The following ABCA3 variants were observed in gnomAD, a reference collection of about 807,000 sequenced individuals.
The protein encoded by ABCA3 is phospholipid-transporting ATPase ABCA3.
In ABCA3, 88 loss-of-function variants were observed where a neutral mutation model predicts 172.8. The ratio of observed to expected loss-of-function variants is 0.51; its 90% CI spans 0.43 to 0.61. The LOEUF (loss-of-function observed/expected upper bound fraction) is 0.61, where lower values mean the gene tolerates loss of function less well. Ranked by LOEUF, ABCA3 falls within the 20% of genes least tolerant of loss-of-function variation. ABCA3 has a pLI of 0.00. For missense variants in ABCA3, 2,164 were observed against 2,301.0 expected (o/e 0.94, Z 1.22); for synonymous variants, 1,066 against 983.8 (o/e 1.08, Z -1.56).
chr16:2,308,107 C>G (rs778185314), intron 11 of ABCA3, among the ~76,000 whole-genome samples: 6 of 152,234 alleles, frequency 3.9e-5, no homozygotes, highest in Non-Finnish European at 7.3e-5. Context: ...GAAAGAGGCT[C>G]AGGTCACCGA....
At chr16:2,300,902 G>T (rs1055195174) in intron 12 of ABCA3, among the ~76,000 whole-genome samples, 20 of 152,202 alleles carry the variant, frequency 1.3e-4, no homozygotes, top group African/African-American at 4.3e-4. Context: ...GGTTCTCAGG[G>T]ACACAGCTCT....
At chr16:2,304,935 A>G (rs2141716472) in intron 11 of ABCA3, among the ~76,000 whole-genome samples, 1 of 152,122 alleles carries the variant, frequency 6.6e-6, no homozygotes, top group Admixed American at 6.6e-5. Context: ...TCGGCCTCCC[A>G]AAGCGCTGGG....
rs1165435486 is a variant in ABCA3, at chr16:2,286,764, C to T, written c.3208G>A (p.Ala1070Thr). ...LLFKLLCGPH[A>T]SIVVSNFPQP... ...GGGAAGTTGGAGACCACAATGGAGG[C>T]GTGAGGCCCGCACAGCAGCTTGAAC... The change falls in exon 22 of 33, where the codon GCC becomes ACC. Residue 1070 changes from alanine to threonine, a missense_variant. Coordinates refer to ENST00000301732, the MANE Select transcript of ABCA3 (RefSeq NM_001089.3). This position sits in a 1 kb window ranked among gnomAD's most constrained non-coding sequence, Gnocchi z 5.2. 6 of 1,613,948 alleles carry T rather than the reference C, an allele frequency of 3.7e-6. No individual in the cohort carries two copies. Among genetic ancestry groups the T allele is most frequent in the South Asian group, 1.1e-5 (1 of 91,078 alleles).
At chr16:2,293,161 C>A (rs1329865907) in intron 18 of ABCA3, among the ~76,000 whole-genome samples, 2 of 151,630 alleles carry the variant, frequency 1.3e-5, no homozygotes, top group African/African-American at 4.8e-5. Context: ...ATGGCATTCT[C>A]CTGCCTCAAC....
intron 20 of ABCA3, chr16:2,289,214 T>C: frequency 6.6e-6 from 4 of 605,982 alleles, no homozygotes; most frequent in South Asian, 4.0e-5. Flanking sequence ...AGCAGGGTGC[T>C]GTGCCTGAGG....
At chr16:2,290,508 A>G (rs984318737) in intron 19 of ABCA3, among the ~76,000 whole-genome samples, 11 of 152,080 alleles carry the variant, frequency 7.2e-5, no homozygotes, top group Admixed American at 1.3e-4. Context: ...ACCTTGAGAG[A>G]CAAGAGGCCC....
rs2093689360 is a variant in ABCA3, at chr16:2,301,476, G to C, written c.1468-1328C>G. Among the ~76,000 whole-genome samples, 3 of 152,150 alleles carry C rather than the reference G, an allele frequency of 2.0e-5. No homozygotes were observed. The South Asian group carries it at 6.2e-4, about 32-fold the overall frequency. On this transcript the variant is annotated intron_variant, in intron 12 of 32. Transcript: ENST00000301732. ...CATCCCAGCACTTTGGGAGGCCGAG[G>C]CGGGTGGATCACCTGAGGTCAGGAG...
In ABCA3 at chr16:2,286,542, T is replaced by C. The variant is rs1307876101; in HGVS notation, c.3278+152A>G. On this transcript the variant is annotated intron_variant, in intron 22 of 32. Transcript: ENST00000301732. The surrounding 1 kb of genome is among the most constrained non-coding windows in gnomAD (Gnocchi z 5.2). ...TGTCACAGGGAGTTGGGGCTGTGGA[T>C]GGTGGAGGAGGATGTGGCAGGGGTT... is the stretch of plus-strand genomic sequence containing the variant. The C allele has an allele frequency of 2.9e-6, 3 of 1,023,990 alleles. No individual in the cohort carries two copies. The highest frequency in any genetic ancestry group is 4.2e-6 in the Non-Finnish European group (3 of 705,910). 63.4% of individuals were successfully genotyped at this position (1,023,990 alleles called of 1,614,324 possible). A position where few individuals can be genotyped will look rare whatever the true frequency, so the allele number is the denominator to read the frequency against.
At chr16:2,291,712 G>A (rs1192463572) in intron 19 of ABCA3, among the ~76,000 whole-genome samples, 25 of 152,308 alleles carry the variant, frequency 1.6e-4, no homozygotes, top group Non-Finnish European at 4.4e-5. Context: ...CCCCACCCCA[G>A]GCTGTTCCTC....
At chr16:2,323,079 G>T (rs1351424885) in intron 7 of ABCA3, among the ~76,000 whole-genome samples, 1 of 152,194 alleles carries the variant, frequency 6.6e-6, no homozygotes, top group African/African-American at 2.4e-5. Context: ...GGCCATCAGA[G>T]AAATGCAAAT....
Position 2,319,349 on chromosome 16 carries a change from G to A in ABCA3, c.873+232C>T, listed in dbSNP as rs570861431. 2.1e-3 allele frequency among the ~76,000 whole-genome samples: 325 copies of A among 152,202 alleles called. 3 individuals are homozygous for A. The highest frequency in any genetic ancestry group is 2.2e-3 in the Non-Finnish European group (148 of 68,010). ...AAATACAAAAAATTAGCTGGGTGTGGTGGCAGGCACCTATAGTCCCAACTA... is the reference window on the plus strand; with the variant it reads ...AAATACAAAAAATTAGCTGGGTGTGATGGCAGGCACCTATAGTCCCAACTA... On this transcript the variant is annotated intron_variant, in intron 8 of 32. Coordinates refer to ENST00000301732, the MANE Select transcript of ABCA3 (RefSeq NM_001089.3).
At position 2,323,608 on chromosome 16, in the gene ABCA3, T is replaced by G. The variant is rs767119171; in HGVS notation, c.528A>C (p.Thr176=). 1.9e-6 allele frequency: 3 copies of G among 1,614,192 alleles called. No individual in the cohort carries two copies. The highest frequency in any genetic ancestry group is 2.5e-6 in the Non-Finnish European group (3 of 1,180,036). Residue 176 remains threonine (T), a synonymous_variant, in exon 7 of 33, where the codon ACA becomes ACC. Transcript: ENST00000301732. ...TQTGSFFLKE[T]EGWHTTSLFP... ...AAAGGGAAGTAGTGTGCCAGCCTTC[T>G]GTCTCTTTCAGGAAAAAGGAGCCTG...
chr16:2,335,939 G>A (rs1201944059), intron 1 of ABCA3, among the ~76,000 whole-genome samples: 1 of 152,198 alleles, frequency 6.6e-6, no homozygotes, highest in Non-Finnish European at 1.5e-5. Flanking sequence ...AGAAGGTACA[G>A]ATTTTCTTTT....
At chr16:2,327,657 C>T (rs913195956) in intron 3 of ABCA3, among the ~76,000 whole-genome samples, 3 of 152,198 alleles carry the variant, frequency 2.0e-5, no homozygotes, top group Admixed American at 2.0e-4. Flanking sequence ...CCGGCTTTTC[C>T]TGTTGTTATT....
chr16:2,289,405 G>GGGCC, intron 20 of ABCA3, 29 bp downstream of exon 20: 2 of 994,926 alleles, frequency 2.0e-6, no homozygotes, highest in African/African-American at 1.6e-5. Context: ...CCCTTCCCCC[G>GGGCC]CCACCCGCCC....
At chr16:2,296,647 G>A (rs1207061020) in intron 17 of ABCA3, among the ~76,000 whole-genome samples, 3 of 152,220 alleles carry the variant, frequency 2.0e-5, no homozygotes, top group Non-Finnish European at 4.4e-5. Context: ...GTGGTGGATG[G>A]TTCCTCATCT....
At chr16:2,295,099 T>C (rs2093677645) in intron 18 of ABCA3, among the ~76,000 whole-genome samples, 1 of 152,114 alleles carries the variant, frequency 6.6e-6, no homozygotes, top group African/African-American at 2.4e-5. Flanking sequence ...ATCCAGATAA[T>C]ATCCAGACTG....
intron 12 of ABCA3, among the ~76,000 whole-genome samples, chr16:2,301,631 AC>A (rs1438279159): frequency 6.6e-6 from 1 of 151,652 alleles, no homozygotes; most frequent in African/African-American, 2.4e-5. Flanking sequence ...AATCACTTGA[AC>A]CTGGGAGGTG....
At position 2,281,624 on chromosome 16, in the gene ABCA3, CT is replaced by C; in HGVS notation, c.4036-116del. ...TCTGGTGGGACTAAGGCCTTCAAGG[CT>C]TCTCGTCCCAATCTCAGGCCCCACA... On this transcript the variant is annotated intron_variant, in intron 26 of 32. Coordinates refer to ENST00000301732, the MANE Select transcript of ABCA3 (RefSeq NM_001089.3). The surrounding 1 kb of genome is among the most constrained non-coding windows in gnomAD (Gnocchi z 4.7). 7.6e-7 allele frequency: 1 copy of C among 1,320,852 alleles called. No homozygotes were observed. The allele number at this position is 1,320,852 out of a possible 1,614,324, so 81.8% of individuals were successfully genotyped here.
Sources: allele counts gnomAD v4.1 joint callset (sites outside exome capture counted in the v4.1 genomes callset), GRCh38; gene constraint gnomAD v4.1.1; non-coding constraint Gnocchi (gnomAD v3.1); transcripts MANE v1.5; gene names NCBI Gene and HGNC (gene_info 2026-07-23, HGNC 2026-07-21).